Variants in SPATS2L observed in about 807,000 individuals in gnomAD.
The protein encoded by SPATS2L is SPATS2-like protein.
SPATS2L carries 30 observed loss-of-function variants against 59.6 expected under a neutral mutation model. That is an observed-to-expected ratio of 0.50 (90% CI 0.38 to 0.68). The LOEUF (loss-of-function observed/expected upper bound fraction) is 0.68, where lower values mean the gene tolerates loss of function less well. SPATS2L is among the 30% of genes least tolerant of loss of function. SPATS2L has a pLI of 0.00. For synonymous variants in SPATS2L, 252 were observed against 263.5 expected (o/e 0.96, Z 0.42); for missense variants, 615 against 700.0 (o/e 0.88, Z 1.37).
At chr2:200,380,396 ACT>A (rs1299712017) in intron 2 of SPATS2L, among the ~76,000 whole-genome samples, 1 of 152,126 alleles carries the variant, frequency 6.6e-6, no homozygotes, top group Admixed American at 6.5e-5. Flanking sequence ...CACGCAGATG[ACT>A]CTGCCTGCCA....
At chr2:200,362,255 AAG>A (rs1185300479) in intron 2 of SPATS2L, among the ~76,000 whole-genome samples, 1 of 152,190 alleles carries the variant, frequency 6.6e-6, no homozygotes, top group Non-Finnish European at 1.5e-5. Flanking sequence ...CTTGAAAAAA[AAG>A]AGTTGTGAAT....
chr2:200,410,569 T>C (rs1008110665), intron 3 of SPATS2L, among the ~76,000 whole-genome samples: 3 of 152,092 alleles, frequency 2.0e-5, no homozygotes, highest in African/African-American at 7.2e-5. Context: ...TCCCTAATCA[T>C]GTCCAACTCC....
chr2:200,378,380 A>G (rs763935078), intron 2 of SPATS2L: 54 of 1,002,166 alleles, frequency 5.4e-5, no homozygotes, highest in Non-Finnish European at 2.0e-5. Flanking sequence ...AAGTGAGTTG[A>G]GGTTGCATTT....
intron 1 of SPATS2L, among the ~76,000 whole-genome samples, chr2:200,323,824 C>CTA (rs1226488951): frequency 2.0e-5 from 3 of 152,118 alleles, no homozygotes; most frequent in Non-Finnish European, 4.4e-5. Flanking sequence ...GAGAAAAAGA[C>CTA]TATAAGGTAG....
chr2:200,409,668 T>C (rs2105980386), intron 3 of SPATS2L, among the ~76,000 whole-genome samples: 2 of 152,344 alleles, frequency 1.3e-5, no homozygotes, highest in East Asian at 3.9e-4. Context: ...ACTATTTTTT[T>C]CCCCTTTTTC....
At chr2:200,404,979 C>G (rs367632495) in intron 3 of SPATS2L, among the ~76,000 whole-genome samples, 1 of 152,156 alleles carries the variant, frequency 6.6e-6, no homozygotes, top group East Asian at 1.9e-4. Context: ...CTGAGATAAT[C>G]CGGGATGATC....
At chr2:200,340,210 G>A (rs769486397) in intron 2 of SPATS2L, among the ~76,000 whole-genome samples, 3 of 152,164 alleles carry the variant, frequency 2.0e-5, no homozygotes, top group Non-Finnish European at 4.4e-5. Flanking sequence ...TCTGAAGTAT[G>A]CTGTGCTCGC....
At chr2:200,466,495 A>T (rs1266208580) in intron 9 of SPATS2L, among the ~76,000 whole-genome samples, 2 of 152,222 alleles carry the variant, frequency 1.3e-5, no homozygotes, top group Admixed American at 1.3e-4. Flanking sequence ...ACACAAACCA[A>T]CTGATAGGCT....
intron 1 of SPATS2L, among the ~76,000 whole-genome samples, chr2:200,317,305 G>C (rs1249539362): frequency 6.6e-6 from 1 of 152,144 alleles, no homozygotes; most frequent in Non-Finnish European, 1.5e-5. Context: ...AATCTTTCTG[G>C]ACCCCAGTTT....
chr2:200,451,832 CTTTTCTT>C (rs1408129401), intron 8 of SPATS2L, among the ~76,000 whole-genome samples: 16 of 148,490 alleles, frequency 1.1e-4, no homozygotes, highest in Admixed American at 5.3e-4. Context: ...TTTCTTTTTT[CTTTTCTT>C]TTTTTGGAAG....
intron 2 of SPATS2L, among the ~76,000 whole-genome samples, chr2:200,386,590 A>G (rs2082000931): frequency 6.6e-6 from 1 of 152,224 alleles, no homozygotes. Context: ...TTTCAGCTTT[A>G]GAGAATGCTG....
At position 200,464,692 on chromosome 2, in the gene SPATS2L, C is replaced by G. The variant is rs572876319; in HGVS notation, c.848-2598C>G. Reference sequence around the variant, plus strand: ...ACAGGGTCTTACATTGTTGTCCAGGCAGGTCTTGAACTCCTGAGTCAAGCA... The same window carrying G: ...ACAGGGTCTTACATTGTTGTCCAGGGAGGTCTTGAACTCCTGAGTCAAGCA... On this transcript the variant is annotated intron_variant, in intron 9 of 12. Coordinates refer to ENST00000409140, the MANE Select transcript of SPATS2L (RefSeq NM_001100423.2). Among the ~76,000 whole-genome samples the G allele has an allele frequency of 9.2e-5, 14 of 152,148 alleles. No homozygotes were observed. The South Asian group carries it at 1.7e-3, about 18-fold the overall frequency.
At chr2:200,426,276 G>T (rs1198333544) in intron 6 of SPATS2L, among the ~76,000 whole-genome samples, 2 of 151,876 alleles carry the variant, frequency 1.3e-5, no homozygotes, top group East Asian at 3.9e-4. Context: ...GCTTTGAGTA[G>T]AGATGGGGTT....
At chr2:200,383,865 A>G (rs752243263) in intron 2 of SPATS2L, 79 of 999,096 alleles carry the variant, frequency 7.9e-5, no homozygotes, top group Middle Eastern at 2.8e-4. Flanking sequence ...TCTTAAATCC[A>G]GTTCAAGCAA....
In SPATS2L at chr2:200,338,846, TGTCA is replaced by T. The variant is rs369120455; in HGVS notation, c.-23+9370_-23+9373del. On this transcript the variant is annotated intron_variant, in intron 2 of 12. Transcript: ENST00000409140. ...AGACAGCTGTCTCCCAAATGTGCACTGTCAGTCGCATAGGAAACCAGATGACCAA... is the reference window on the plus strand; with the variant it reads ...AGACAGCTGTCTCCCAAATGTGCACTGTCGCATAGGAAACCAGATGACCAA... 1.9e-3 allele frequency among the ~76,000 whole-genome samples: 292 copies of T among 152,258 alleles called. 4 individuals are homozygous for T. Among genetic ancestry groups the T allele is most frequent in the African/African-American group, 6.5e-3 (268 of 41,544 alleles).
chr2:200,445,768 T>C (rs1413199584), intron 8 of SPATS2L, among the ~76,000 whole-genome samples: 2 of 152,172 alleles, frequency 1.3e-5, no homozygotes, highest in East Asian at 3.9e-4. Context: ...TGATTGGTTT[T>C]TTTTTTCCCT....
At chr2:200,324,478 T>G (rs1574396983) in intron 1 of SPATS2L, among the ~76,000 whole-genome samples, 1 of 152,302 alleles carries the variant, frequency 6.6e-6, no homozygotes, top group East Asian at 1.9e-4. Flanking sequence ...CAGGGAACTA[T>G]TCTGAATTTC....
intron 3 of SPATS2L, among the ~76,000 whole-genome samples, chr2:200,404,861 T>C (rs1354120173): frequency 6.6e-6 from 1 of 152,154 alleles, no homozygotes; most frequent in Non-Finnish European, 1.5e-5. Context: ...CCTTTCATCT[T>C]CAAACCCGGA....
rs1395303592 is a variant in SPATS2L at position 200,478,766 on chromosome 2, G to A, written c.*735G>A. ...AGACACACCATGTGGCAGTTGGGCA[G>A]TTGGAAACATTGGTTGCAAGTACTA... On this transcript the variant is annotated 3_prime_UTR_variant, in exon 13 of 13. Transcript: ENST00000409140. The A allele has an allele frequency of 1.3e-5, 2 of 152,274 alleles. No individual in the cohort carries two copies. The highest frequency in any genetic ancestry group is 4.8e-5 in the African/African-American group (2 of 41,450). 9.4% of individuals were successfully genotyped at this position (152,274 alleles called of 1,614,324 possible). A position where few individuals can be genotyped will look rare whatever the true frequency, so the allele number is the denominator to read the frequency against.
Sources: gnomAD v4.1 joint callset for allele counts (sites outside exome capture counted in the v4.1 genomes callset) on GRCh38, gnomAD v4.1.1 for gene constraint, MANE v1.5 for transcripts, NCBI Gene and HGNC (gene_info 2026-07-23, HGNC 2026-07-21) for gene names.